BPTF: variants seen among roughly 807,000 people sequenced by gnomAD.
The protein encoded by BPTF is bromodomain PHD finger transcription factor.
In BPTF, 18 loss-of-function variants were observed where a neutral mutation model predicts 292.5. The observed-to-expected ratio is 0.06, with a 90% confidence interval of 0.04 to 0.09. The LOEUF is 0.09. Among genes scored for constraint, BPTF ranks in the 10% least tolerant of loss-of-function variants. BPTF has a pLI of 1.00. For missense variants in BPTF, 2,726 were observed against 3,498.7 expected (o/e 0.78, Z 5.57); for synonymous variants, 1,225 against 1,251.9 (o/e 0.98, Z 0.45).
At position 67,904,194 on chromosome 17, in the gene BPTF, A is replaced by G. The variant is rs1406786118; in HGVS notation, c.2673+276A>G. Reference sequence around the variant, plus strand: ...TAGGCGTGCACCACCACGCCTGGCTAATTTTTGTATTTTTAGTAGAGATGG... The same window carrying G: ...TAGGCGTGCACCACCACGCCTGGCTGATTTTTGTATTTTTAGTAGAGATGG... On this transcript the variant is annotated intron_variant, in intron 8 of 27. Coordinates refer to ENST00000306378, the MANE Select transcript of BPTF (RefSeq NM_182641.4). Among the ~76,000 whole-genome samples the G allele has an allele frequency of 2.0e-5, 3 of 152,034 alleles. No individual in the cohort carries two copies. The East Asian group carries it at 5.8e-4, about 29-fold the overall frequency.
chr17:67,894,363 CTGT>C (rs2061312233), intron 7 of BPTF, among the ~76,000 whole-genome samples, 198 bp downstream of exon 7: 1 of 151,932 alleles, frequency 6.6e-6, no homozygotes, highest in Admixed American at 6.6e-5. Flanking sequence ...GAGTCTTGCA[CTGT>C]TGCCCAGGCT....
At chr17:67,829,700 A>T (rs986351601) in intron 1 of BPTF, among the ~76,000 whole-genome samples, 5 of 152,222 alleles carry the variant, frequency 3.3e-5, no homozygotes, top group African/African-American at 1.2e-4. Flanking sequence ...AGTATGATTG[A>T]TGAGTTTGAA....
intron 1 of BPTF, among the ~76,000 whole-genome samples, chr17:67,843,212 A>G (rs964727532): frequency 1.6e-5 from 2 of 127,136 alleles, no homozygotes; most frequent in African/African-American, 5.1e-5. Context: ...ATGTAGATGT[A>G]TGTAGATATA....
At chr17:67,919,455 T>C (rs1195269486) in intron 12 of BPTF, among the ~76,000 whole-genome samples, 1 of 151,970 alleles carries the variant, frequency 6.6e-6, no homozygotes, top group Non-Finnish European at 1.5e-5. Flanking sequence ...GCCAGGAGGA[T>C]TGCTTGAGCC....
In BPTF at chr17:67,911,556, T is replaced by C; in HGVS notation, c.3672T>C (p.Asp1224=). 1 of 1,614,076 alleles carries C rather than the reference T, an allele frequency of 6.2e-7. No individual in the cohort carries two copies. The highest frequency in any genetic ancestry group is 8.5e-7 in the Non-Finnish European group (1 of 1,180,012). Residue 1224 remains aspartate (D), a synonymous_variant, in exon 11 of 28, where the codon GAT becomes GAC. Transcript: ENST00000306378. ...ATGACTCTAAACTAGCCAGTGCAGA[T>C]GATATTGGTACTTTGATCTGTAAGA... ...FIDDSKLASA[D]DIGTLICKNK...
chr17:67,874,149 C>T (rs2059920012), intron 3 of BPTF, among the ~76,000 whole-genome samples: 1 of 152,126 alleles, frequency 6.6e-6, no homozygotes, highest in Non-Finnish European at 1.5e-5. Flanking sequence ...AATTAATATC[C>T]ATGAGTGCGT....
rs1555685769 is a variant in BPTF, at chr17:67,964,418, G to C, written c.8454+14G>C. On this transcript the variant is annotated intron_variant, in intron 25 of 27. Transcript: ENST00000306378. The stretch of plus-strand genomic sequence containing the variant: ...CGTTCCTTACAGGTGAGACCCCTCT[G>C]TGTGCAGCATTTCAAAATGAAATCA... 6.3e-7 allele frequency: 1 copy of C among 1,584,508 alleles called. No homozygotes were observed. Among genetic ancestry groups the C allele is most frequent in the Non-Finnish European group, 8.6e-7 (1 of 1,160,350 alleles).
chr17:67,954,168 T>G (rs2066702675), intron 23 of BPTF, among the ~76,000 whole-genome samples: 1 of 77,264 alleles, frequency 1.3e-5, no homozygotes, highest in South Asian at 5.2e-4. Context: ...TGGCTAATTT[T>G]GGGGTGTTTT....
chr17:67,865,915 C>A (rs1259042706), intron 2 of BPTF, among the ~76,000 whole-genome samples: 1 of 152,136 alleles, frequency 6.6e-6, no homozygotes, highest in Non-Finnish European at 1.5e-5. Flanking sequence ...AAAACCAGAA[C>A]TTAGCAAAGC....
intron 23 of BPTF, among the ~76,000 whole-genome samples, chr17:67,949,964 G>T (rs1357381129): frequency 1.5e-5 from 2 of 134,652 alleles, no homozygotes; most frequent in Non-Finnish European, 3.1e-5. Flanking sequence ...GAGGTGGGGA[G>T]AATTGCTTGA....
intron 1 of BPTF, among the ~76,000 whole-genome samples, chr17:67,836,496 C>G (rs997498200): frequency 6.6e-6 from 1 of 152,146 alleles, no homozygotes; most frequent in Non-Finnish European, 1.5e-5. Context: ...TTGTCCTGTT[C>G]TAATTCTTGC....
chr17:67,874,826 T>G lies in BPTF; in HGVS notation c.1670T>G (p.Leu557Trp). Residue 557 changes from leucine (L) to tryptophan (W), a missense_variant, in exon 4 of 28, where the codon TTG becomes TGG. Around this residue, in one of 22 missense-constraint regions of BPTF, gnomAD observed 187 missense variants for 201.5 expected, o/e 0.93. Transcript: ENST00000306378. Reference sequence around the variant, plus strand: ...GTTTTACACATTATAGAAGAAATTTTGGAATCCATAAGAGCCAAAAAGGGA... The same window carrying G: ...GTTTTACACATTATAGAAGAAATTTGGGAATCCATAAGAGCCAAAAAGGGA... ...SFLAAANEEI[L>W]ESIRAKKGDI... 6.2e-7 allele frequency: 1 copy of G among 1,605,194 alleles called. No individual in the cohort carries two copies. The highest frequency in any genetic ancestry group is 8.5e-7 in the Non-Finnish European group (1 of 1,177,526).
Position 67,946,184 on chromosome 17 carries a change from G to A in BPTF, c.7476G>A (p.Val2492=), listed in dbSNP as rs1485479949. 2 of 1,614,090 alleles carry A rather than the reference G, an allele frequency of 1.2e-6. No individual in the cohort carries two copies. The highest frequency in any genetic ancestry group is 1.7e-6 in the Non-Finnish European group (2 of 1,180,052). ...QTHQIQNVVT[V]QAASVQEQLQ... ...ACCAGATTCAGAATGTGGTTACAGT[G>A]CAGGCAGCCAGTGTGCAAGAGCAGT... Residue 2492 remains valine (V), a synonymous_variant, in exon 21 of 28, where the codon GTG becomes GTA. Transcript: ENST00000306378.
chr17:67,969,252 G>A (rs1023849704), intron 26 of BPTF, among the ~76,000 whole-genome samples: 9 of 151,170 alleles, frequency 6.0e-5, no homozygotes, highest in South Asian at 4.1e-4. Flanking sequence ...TTCAAGACCA[G>A]CCTGGCCAAC....
intron 18 of BPTF, among the ~76,000 whole-genome samples, chr17:67,933,021 G>C (rs1406395591): frequency 3.3e-5 from 5 of 152,022 alleles, no homozygotes; most frequent in Non-Finnish European, 1.5e-5. Context: ...GGAAGCCAAG[G>C]CAGGCCAGAT....
chr17:67,848,713 GTAGATCCCTTTTGTGTTACAGAA>G (rs1434880598), intron 1 of BPTF, among the ~76,000 whole-genome samples: 2 of 152,178 alleles, frequency 1.3e-5, no homozygotes, highest in African/African-American at 4.8e-5. Flanking sequence ...GAACATCCAT[GTAGATCCCTTTTGTGTTACAGAA>G]TACAAAGGAG....
chr17:67,981,567 T>A, intron 27 of BPTF: 1 of 1,072,730 alleles, frequency 9.3e-7, no homozygotes, highest in Non-Finnish European at 1.1e-6. Context: ...TTAATATAAT[T>A]TTTTAATGTT....
At position 67,918,666 on chromosome 17, in the gene BPTF, A is replaced by G. The variant is rs370335256; in HGVS notation, c.5304-48A>G. On this transcript the variant is annotated intron_variant, in intron 11 of 27. Transcript: ENST00000306378. ...AGAGTGAATATGAATGTGTATGTGT[A>G]TGTATATACATATAGATATATATGG... is the stretch of plus-strand genomic sequence containing the variant. The G allele has an allele frequency of 3.2e-6, 5 of 1,546,584 alleles. No homozygotes were observed. In the African/African-American group the frequency reaches 6.8e-5, roughly 21 times the overall value.
intron 1 of BPTF, among the ~76,000 whole-genome samples, chr17:67,843,106 A>G (rs148962814): frequency 2.4e-4 from 36 of 150,800 alleles, no homozygotes; most frequent in Non-Finnish European, 4.4e-4. Flanking sequence ...ATCTATATAT[A>G]TGTAGATGTA....
Sources: allele counts gnomAD v4.1 joint callset (sites outside exome capture counted in the v4.1 genomes callset), GRCh38; gene constraint gnomAD v4.1.1; regional missense constraint gnomAD v4.1.1; transcripts MANE v1.5; gene names NCBI Gene and HGNC (gene_info 2026-07-23, HGNC 2026-07-21).